INPP5D: variants seen among roughly 807,000 people sequenced by gnomAD.
The protein encoded by INPP5D is phosphatidylinositol 3,4,5-trisphosphate 5-phosphatase 1.
In INPP5D, 33 loss-of-function variants were observed where a neutral mutation model predicts 122.9. The observed-to-expected ratio is 0.27, with a 90% confidence interval of 0.20 to 0.36. INPP5D has a LOEUF of 0.36. Ranked by LOEUF, INPP5D falls within the 10% of genes least tolerant of loss-of-function variation. The pLI is 1.00. For synonymous variants in INPP5D, 584 were observed against 576.2 expected (o/e 1.01, Z -0.19); for missense variants, 1,053 against 1,412.7 (o/e 0.75, Z 4.08).
At chr2:233,061,769 A>G (rs1195785943) in intron 1 of INPP5D, among the ~76,000 whole-genome samples, 1 of 152,226 alleles carries the variant, frequency 6.6e-6, no homozygotes, top group Non-Finnish European at 1.5e-5. Flanking sequence ...AGTCAAAGCC[A>G]CGGCCATCTG....
intron 2 of INPP5D, among the ~76,000 whole-genome samples, chr2:233,108,456 A>T (rs1194716698): frequency 6.6e-6 from 1 of 152,278 alleles, no homozygotes; most frequent in African/African-American, 2.4e-5. Context: ...TATAAATTGC[A>T]TCACATATGT....
intron 17 of INPP5D, among the ~76,000 whole-genome samples, chr2:233,175,844 G>A (rs538468862): frequency 3.5e-4 from 53 of 151,870 alleles, no homozygotes; most frequent in Admixed American, 1.1e-3. Flanking sequence ...CACCATGCCC[G>A]GGTAATTTTG....
chr2:233,130,819 T>C (rs1436207070), intron 5 of INPP5D, 171 bp downstream of exon 5: 1 of 786,878 alleles, frequency 1.3e-6, no homozygotes, highest in African/African-American at 1.7e-5. Context: ...GGAGGTCTTG[T>C]TATCATGGAA....
Position 233,204,437 on chromosome 2 carries a change from C to A in INPP5D, c.3287C>A (p.Ala1096Glu), listed in dbSNP as rs745563573. The part of the protein sequence containing the change: ...FTCSSSAEGR[A>E]AGGDKSQGKP... The stretch of plus-strand genomic sequence containing the variant: ...TGCTCATCCTCTGCCGAGGGCAGGG[C>A]GGCCGGCGGGGACAAGAGCCAAGGG... Residue 1096 changes from alanine to glutamate, a missense_variant, in exon 26 of 27, where the codon GCG becomes GAG. Physicochemically the swap from Ala to Glu is moderately radical, Grantham distance 107. Coordinates refer to ENST00000445964, the MANE Select transcript of INPP5D (RefSeq NM_001017915.3). The A allele has an allele frequency of 1.2e-6, 2 of 1,602,820 alleles. No individual in the cohort carries two copies. The highest frequency in any genetic ancestry group is 2.7e-5 in the African/African-American group (2 of 74,732).
intron 9 of INPP5D, among the ~76,000 whole-genome samples, chr2:233,148,416 G>C (rs1409978928): frequency 2.0e-5 from 3 of 152,204 alleles, no homozygotes; most frequent in Admixed American, 2.0e-4. Flanking sequence ...TGAGTAAGAG[G>C]CACATTGGCG....
At chr2:233,127,039 G>T (rs7605743) in intron 4 of INPP5D, among the ~76,000 whole-genome samples, 55,164 of 152,066 alleles carry the variant, frequency 0.36, 11,881 homozygotes, top group Non-Finnish European at 0.48. Context: ...AGGCCCCATG[G>T]TTCCACCTGC....
intron 13 of INPP5D, among the ~76,000 whole-genome samples, chr2:233,169,098 C>G (rs1694420218): frequency 6.6e-6 from 1 of 152,170 alleles, no homozygotes; most frequent in Admixed American, 6.5e-5. Flanking sequence ...GCCGAGAAGG[C>G]TGAGGCTGCC....
rs561547620 is a variant in INPP5D at position 233,130,983 on chromosome 2, G to T, written c.665+335G>T. 5.0e-4 allele frequency: 235 copies of T among 467,986 alleles called. 1 individual carries two copies. The highest frequency in any genetic ancestry group is 1.8e-3 in the South Asian group (99 of 54,708). The allele number at this position is 467,986 out of a possible 1,614,324, so 29.0% of individuals were successfully genotyped here. On this transcript the variant is annotated intron_variant, in intron 5 of 26. Coordinates refer to ENST00000445964, the MANE Select transcript of INPP5D (RefSeq NM_001017915.3). ...TAAGATTTTTGCTGCTGCTCTTGCT[G>T]TTTGCTGCAGCCATTACACCTGACA... is the stretch of plus-strand genomic sequence containing the variant.
rs144846342 is a variant in INPP5D at position 233,112,886 on chromosome 2, G to A, written c.199-9221G>A. ...TTGGCCAGGCTGGTCTCGAACTTGG[G>A]ACCTCAGGTGATCCACTCACCTCGG... On this transcript the variant is annotated intron_variant, in intron 2 of 26. Coordinates refer to ENST00000445964, the MANE Select transcript of INPP5D (RefSeq NM_001017915.3). Among the ~76,000 whole-genome samples, 252 of 152,210 alleles carry A rather than the reference G, an allele frequency of 1.7e-3. 3 individuals carry two copies. The highest frequency in any genetic ancestry group is 5.2e-3 in the South Asian group (25 of 4,818).
At chr2:233,086,017 G>A (rs1691821920) in intron 2 of INPP5D, among the ~76,000 whole-genome samples, 1 of 152,216 alleles carries the variant, frequency 6.6e-6, no homozygotes, top group Non-Finnish European at 1.5e-5. Context: ...TTAGACTGGG[G>A]AATGGGATGC....
intron 24 of INPP5D, among the ~76,000 whole-genome samples, chr2:233,195,738 C>T (rs539610325): frequency 2.4e-4 from 36 of 152,114 alleles, no homozygotes; most frequent in Middle Eastern, 6.8e-3. Flanking sequence ...AGGCCAAGGC[C>T]GGTGGATTGC....
At chr2:233,083,293 G>T (rs192015053) in intron 2 of INPP5D, among the ~76,000 whole-genome samples, 7 of 152,322 alleles carry the variant, frequency 4.6e-5, no homozygotes, top group Admixed American at 1.3e-4. Flanking sequence ...GGTGGGGAAG[G>T]AGGGGTAAAT....
chr2:233,130,619 G>T lies in INPP5D; in HGVS notation c.636G>T (p.Leu212=). 6.2e-7 allele frequency: 1 copy of T among 1,613,992 alleles called. No homozygotes were observed. Among genetic ancestry groups the T allele is most frequent in the South Asian group, 1.1e-5 (1 of 91,064 alleles). ...GSSSLPHLKK[L]TTLLCKELYG... ...GCAGTCTTCCTCACCTGAAGAAACT[G>T]ACCACACTGCTCTGCAAGGAGCTCT... The change falls in exon 5 of 27, where the codon CTG becomes CTT. Residue 212 remains leucine, a synonymous_variant. Coordinates refer to ENST00000445964, the MANE Select transcript of INPP5D (RefSeq NM_001017915.3).
intron 4 of INPP5D, among the ~76,000 whole-genome samples, chr2:233,127,406 A>G (rs1693193548): frequency 6.6e-6 from 1 of 152,206 alleles, no homozygotes; most frequent in African/African-American, 2.4e-5. Flanking sequence ...TTTTAAAATC[A>G]GTCTATTTCG....
At chr2:233,066,892 C>T (rs72982230) in intron 1 of INPP5D, among the ~76,000 whole-genome samples, 8,048 of 152,226 alleles carry the variant, frequency 0.053, 561 homozygotes, top group African/African-American at 0.16. Flanking sequence ...AATCCTCTGC[C>T]TCAGCTTCCC....
At chr2:233,130,470 C>A (rs867168981) in intron 4 of INPP5D, 38 bp from the exon 5 acceptor site, 2 of 1,603,652 alleles carry the variant, frequency 1.2e-6, no homozygotes, top group African/African-American at 1.3e-5. Context: ...CTAAAAGAAA[C>A]AGGCAAGCAT....
chr2:233,088,045 G>A (rs939081175), intron 2 of INPP5D, among the ~76,000 whole-genome samples: 3 of 151,808 alleles, frequency 2.0e-5, no homozygotes, highest in Non-Finnish European at 4.4e-5. Flanking sequence ...GCAAGATCTC[G>A]GCTCACTGCA....
At chr2:233,152,035 G>T (rs554758193) in intron 9 of INPP5D, among the ~76,000 whole-genome samples, 114 of 152,236 alleles carry the variant, frequency 7.5e-4, no homozygotes, top group African/African-American at 2.6e-3. Context: ...TTCAAGAGTG[G>T]GTGCTCTAGG....
At chr2:233,156,376 G>A (rs934798216) in intron 9 of INPP5D, among the ~76,000 whole-genome samples, 6 of 152,286 alleles carry the variant, frequency 3.9e-5, no homozygotes, top group African/African-American at 4.8e-5. Flanking sequence ...TGCAACCTCC[G>A]CCTCCCAGGT....
Sources: gnomAD v4.1 joint callset for allele counts (sites outside exome capture counted in the v4.1 genomes callset) on GRCh38, gnomAD v4.1.1 for gene constraint, MANE v1.5 for transcripts, NCBI Gene and HGNC (gene_info 2026-07-23, HGNC 2026-07-21) for gene names.